Variants in NAV2 observed in about 807,000 individuals in gnomAD.
The protein encoded by NAV2 is helicase, APC down-regulated 1.
In NAV2, 54 loss-of-function variants were observed where a neutral mutation model predicts 223.2. The observed-to-expected ratio is 0.24, with a 90% confidence interval of 0.19 to 0.30. The LOEUF is 0.30. Ranked by LOEUF, NAV2 falls within the 10% of genes least tolerant of loss-of-function variation. The pLI is 1.00. For synonymous variants in NAV2, 1,279 were observed against 1,239.3 expected, an observed-to-expected ratio of 1.03 and a Z score of -0.67; for missense variants, 2,806 against 3,147.5, an observed-to-expected ratio of 0.89 and a Z score of 2.60.
chr11:19,777,145 T>A (rs912243866), intron 1 of NAV2, among the ~76,000 whole-genome samples: 1 of 142,894 alleles, frequency 7.0e-6, no homozygotes, highest in Non-Finnish European at 1.5e-5. Flanking sequence ...GCCTCCGCGC[T>A]GCGAGGAGCG....
At chr11:19,982,349 C>T (rs892465632) in intron 10 of NAV2, among the ~76,000 whole-genome samples, 3 of 152,040 alleles carry the variant, frequency 2.0e-5, no homozygotes, top group African/African-American at 7.2e-5. Flanking sequence ...CTCACTGCAA[C>T]CTCCACCTCC....
intron 1 of NAV2, among the ~76,000 whole-genome samples, chr11:19,585,505 A>T (rs1224131407): frequency 6.6e-6 from 1 of 152,160 alleles, no homozygotes; most frequent in Non-Finnish European, 1.5e-5. Flanking sequence ...GTGTTTTTGC[A>T]GTGGCTGGTA....
At chr11:19,482,937 A>G (rs2702718) in intron 1 of NAV2, among the ~76,000 whole-genome samples, 138,551 of 152,204 alleles carry the variant, frequency 0.91, 64,504 homozygotes, top group East Asian at 1. Flanking sequence ...TCATAGGGAG[A>G]GATGAGGCAA....
chr11:19,849,819 G>A (rs542008084), intron 3 of NAV2, among the ~76,000 whole-genome samples: 1 of 152,214 alleles, frequency 6.6e-6, no homozygotes, highest in Non-Finnish European at 1.5e-5. Context: ...AGCATCCACT[G>A]CTTCCCACCC....
chr11:19,797,586 T>G (rs958552105), intron 1 of NAV2, among the ~76,000 whole-genome samples: 1 of 152,172 alleles, frequency 6.6e-6, no homozygotes, highest in African/African-American at 2.4e-5. Flanking sequence ...CCAGAGATAC[T>G]CTGGTCATGA....
chr11:19,720,983 A>G (rs1474042125), intron 1 of NAV2, among the ~76,000 whole-genome samples: 1 of 152,226 alleles, frequency 6.6e-6, no homozygotes, highest in Non-Finnish European at 1.5e-5. Flanking sequence ...ATTGTGAACA[A>G]GGCACCTGTT....
At chr11:19,618,225 G>C (rs2046857437) in intron 1 of NAV2, among the ~76,000 whole-genome samples, 1 of 151,944 alleles carries the variant, frequency 6.6e-6, no homozygotes, top group Non-Finnish European at 1.5e-5. Flanking sequence ...TGGATGGATA[G>C]ATGGATGGAT....
chr11:19,725,926 G>T (rs1243502224), intron 1 of NAV2, among the ~76,000 whole-genome samples: 10 of 152,240 alleles, frequency 6.6e-5, no homozygotes, highest in Admixed American at 6.5e-4. Context: ...CACCTGGATT[G>T]TGAGGAAGCA....
intron 1 of NAV2, among the ~76,000 whole-genome samples, chr11:19,524,560 C>A (rs894978847): frequency 6.6e-6 from 1 of 152,150 alleles, no homozygotes; most frequent in African/African-American, 2.4e-5. Context: ...TTTCATTGAT[C>A]TAGTGAGTTC....
At chr11:19,736,250 A>G (rs1489444901) in intron 1 of NAV2, among the ~76,000 whole-genome samples, 2 of 152,218 alleles carry the variant, frequency 1.3e-5, no homozygotes, top group Non-Finnish European at 2.9e-5. Context: ...TGTGAGGCTG[A>G]GATTATGTTA....
intron 5 of NAV2, among the ~76,000 whole-genome samples, chr11:19,885,865 C>T (rs2040920573): frequency 6.6e-6 from 1 of 152,178 alleles, no homozygotes; most frequent in South Asian, 2.1e-4. Context: ...CTTGCTACCC[C>T]AGTGTGTTAG....
At chr11:19,529,653 G>A (rs955179815) in intron 1 of NAV2, among the ~76,000 whole-genome samples, 1 of 152,214 alleles carries the variant, frequency 6.6e-6, no homozygotes, top group Admixed American at 6.5e-5. Flanking sequence ...GGGACCACTG[G>A]AGCACCAGCA....
chr11:19,647,032 G>A (rs1266816793), intron 1 of NAV2, among the ~76,000 whole-genome samples: 2 of 152,202 alleles, frequency 1.3e-5, no homozygotes, highest in African/African-American at 4.8e-5. Flanking sequence ...CCTGCCACAA[G>A]CAGAGGTGGA....
chr11:19,911,104 G>A (rs2043276978), intron 6 of NAV2, among the ~76,000 whole-genome samples: 1 of 150,950 alleles, frequency 6.6e-6, no homozygotes. Context: ...TTGTGAGCTG[G>A]AAGTGAACTG....
At chr11:19,351,828 A>T (rs1853337925) in intron 1 of NAV2, among the ~76,000 whole-genome samples, 2 of 113,884 alleles carry the variant, frequency 1.8e-5, no homozygotes, top group Non-Finnish European at 1.8e-5. Context: ...AAAAAAAAAA[A>T]AAAAGACTTC....
upstream of NAV2, among the ~76,000 whole-genome samples, chr11:19,345,802 C>T (rs762180483): frequency 6.6e-6 from 1 of 152,182 alleles, no homozygotes; most frequent in Non-Finnish European, 1.5e-5. The surrounding 1 kb of genome is among the most constrained non-coding windows in gnomAD (Gnocchi z 5.2). Context: ...GGCGTACGTG[C>T]CTGAGGCTGT....
chr11:19,682,901 A>G (rs941051905), intron 1 of NAV2, among the ~76,000 whole-genome samples: 1 of 152,174 alleles, frequency 6.6e-6, no homozygotes, highest in Non-Finnish European at 1.5e-5. Flanking sequence ...AAAACATATC[A>G]TATTCATTTT....
intron 1 of NAV2, among the ~76,000 whole-genome samples, chr11:19,796,675 G>A (rs910980795): frequency 6.6e-6 from 1 of 152,140 alleles, no homozygotes; most frequent in African/African-American, 2.4e-5. Flanking sequence ...AAGGCTGGTG[G>A]AGATAGGTTG....
chr11:20,101,236 T>G, intron 32 of NAV2, 64 bp downstream of exon 32: 1 of 1,221,516 alleles, frequency 8.2e-7, no homozygotes, highest in Non-Finnish European at 1.2e-6. Flanking sequence ...ATATCACCAC[T>G]AGCCTGAAGG....
Sources: allele counts gnomAD v4.1 joint callset (sites outside exome capture counted in the v4.1 genomes callset), GRCh38; gene constraint gnomAD v4.1.1; non-coding constraint Gnocchi (gnomAD v3.1); transcripts MANE v1.5; gene names NCBI Gene and HGNC (gene_info 2026-07-23, HGNC 2026-07-21).